RDH12: variants seen among roughly 807,000 people sequenced by gnomAD.
The protein encoded by RDH12 is retinol dehydrogenase 12.
A neutral mutation model predicts 34.0 loss-of-function variants in RDH12; 21 were observed. That is an observed-to-expected ratio of 0.62 (90% CI 0.44 to 0.89). The LOEUF is 0.89. Ranked by LOEUF, RDH12 falls within the 40% of genes least tolerant of loss-of-function variation. RDH12 has a pLI of 0.00. For synonymous variants in RDH12, 198 were observed against 169.9 expected, an observed-to-expected ratio of 1.17 and a Z score of -1.29; for missense variants, 394 against 398.6, an observed-to-expected ratio of 0.99 and a Z score of 0.10.
intron 1 of RDH12, among the ~76,000 whole-genome samples, chr14:67,705,534 A>G (rs1316025238): frequency 6.6e-6 from 1 of 152,202 alleles, no homozygotes; most frequent in Non-Finnish European, 1.5e-5. Context: ...TCACAACTAA[A>G]TGCAATGTGG....
intron 1 of RDH12, among the ~76,000 whole-genome samples, chr14:67,713,345 T>A (rs1262395155): frequency 7.9e-6 from 1 of 126,346 alleles, no homozygotes; most frequent in African/African-American, 3.0e-5. Flanking sequence ...CTGCTTTCCA[T>A]CGTCATGGAA....
At position 67,725,066 on chromosome 14, in the gene RDH12, G is replaced by A. The variant is rs868769251; in HGVS notation, c.188-33G>A. The A allele has an allele frequency of 6.8e-6, 11 of 1,613,358 alleles. No individual in the cohort carries two copies. The Middle Eastern group carries it at 1.3e-3, about 194-fold the overall frequency. The stretch of plus-strand genomic sequence containing the variant: ...ATACCTCCTTTATAGCCTAGGATAT[G>A]AACATACTGCTCTTTTTTTGTCTTG... On this transcript the variant is annotated intron_variant, in intron 4 of 8. Transcript: ENST00000551171.
intron 2 of RDH12, among the ~76,000 whole-genome samples, chr14:67,721,141 G>A (rs1479564343): frequency 6.6e-6 from 1 of 152,168 alleles, no homozygotes; most frequent in Non-Finnish European, 1.5e-5. Context: ...AGTCTTTCAT[G>A]CATGGGTGTT....
chr14:67,722,806 G>T, intron 3 of RDH12, 96 bp downstream of exon 3: 1 of 1,049,612 alleles, frequency 9.5e-7, no homozygotes, highest in South Asian at 1.3e-5. Context: ...GAAGGAGGCT[G>T]ACAGAGGAGA....
At position 67,725,262 on chromosome 14, in the gene RDH12, C is replaced by G; in HGVS notation, c.343+8C>G. 1 of 1,612,674 alleles carries G rather than the reference C, an allele frequency of 6.2e-7. No individual in the cohort carries two copies. Among genetic ancestry groups the G allele is most frequent in the Non-Finnish European group, 8.5e-7 (1 of 1,179,932 alleles). On this transcript the variant is annotated splice_region_variant and intron_variant, in intron 5 of 8. Transcript: ENST00000551171. ...CTGAGGGCTTTCTGGCAGGTGAGGTCCTGATGGGTAGGTAGAAAAGCAGGA... is the reference window on the plus strand; with the variant it reads ...CTGAGGGCTTTCTGGCAGGTGAGGTGCTGATGGGTAGGTAGAAAAGCAGGA...
chr14:67,729,228 C>T lies in RDH12; in HGVS notation c.696C>T (p.Val232=). ...GVTTYAVHPG[V]VRSELVRHSS... Reference sequence around the variant, plus strand: ...CCACCTACGCAGTGCACCCAGGCGTCGTCCGCTCTGAGCTGGTCCGGCACT... The same window carrying T: ...CCACCTACGCAGTGCACCCAGGCGTTGTCCGCTCTGAGCTGGTCCGGCACT... The change falls in exon 8 of 9, where the codon GTC becomes GTT. Residue 232 remains valine (V), a synonymous_variant. Coordinates refer to ENST00000551171, the MANE Select transcript of RDH12 (RefSeq NM_152443.3). 4 of 1,611,716 alleles carry T rather than the reference C, an allele frequency of 2.5e-6. No homozygotes were observed. Among genetic ancestry groups the T allele is most frequent in the Non-Finnish European group, 3.4e-6 (4 of 1,180,012 alleles).
chr14:67,734,133 G>C lies in RDH12; in HGVS notation c.*285G>C, dbSNP rs991330433. ...CTGGGCAGATCCCAGGCTGGGCATG[G>C]GGGTGGCAGAAGAGCCCGAGAAATT... is the stretch of plus-strand genomic sequence containing the variant. On this transcript the variant is annotated 3_prime_UTR_variant, in exon 9 of 9. Coordinates refer to ENST00000551171, the MANE Select transcript of RDH12 (RefSeq NM_152443.3). 2.1e-5 allele frequency: 7 copies of C among 339,342 alleles called. No homozygotes were observed. Among genetic ancestry groups the C allele is most frequent in the African/African-American group, 1.3e-4 (6 of 47,092 alleles). The allele number at this position is 339,342 out of a possible 1,614,324, so 21.0% of individuals were successfully genotyped here.
intron 1 of RDH12, among the ~76,000 whole-genome samples, chr14:67,712,892 C>G (rs1201435351): frequency 1.3e-5 from 2 of 151,976 alleles, no homozygotes; most frequent in Non-Finnish European, 2.9e-5. Context: ...AAAAAATGTT[C>G]CCTTCTCTTT....
rs777424197 is a variant in RDH12, at chr14:67,729,280, C to G, written c.748C>G (p.Leu250Val). 6.2e-7 allele frequency: 1 copy of G among 1,605,742 alleles called. No individual in the cohort carries two copies. Among genetic ancestry groups the G allele is most frequent in the South Asian group, 1.1e-5 (1 of 91,010 alleles). The stretch of plus-strand genomic sequence containing the variant: ...CTCCCTGCTCTGCCTGCTCTGGCGG[C>G]TCTTCTCCCCCTTTGTCAAGACGGC... Reference protein sequence around the residue: ...HSSLLCLLWRLFSPFVKTARE... With the variant: ...HSSLLCLLWRVFSPFVKTARE... Residue 250 changes from leucine to valine, a missense_variant, in exon 8 of 9, where the codon CTC becomes GTC. By Grantham distance (32) the Leu-to-Val change is conservative. Transcript: ENST00000551171.
chr14:67,712,348 TTTG>T (rs1019925920), intron 1 of RDH12, among the ~76,000 whole-genome samples: 5 of 152,008 alleles, frequency 3.3e-5, no homozygotes, highest in African/African-American at 7.2e-5. Flanking sequence ...ACTTAAAAAT[TTTG>T]TTGTTGTTGT....
chr14:67,709,604 A>G (rs1457765929), intron 1 of RDH12, among the ~76,000 whole-genome samples: 1 of 152,214 alleles, frequency 6.6e-6, no homozygotes, highest in Non-Finnish European at 1.5e-5. Flanking sequence ...TCACATGCCC[A>G]TCTCTTCTGT....
In RDH12 at chr14:67,729,286, T is replaced by TC. The variant is rs1594867516; in HGVS notation, c.759dup (p.Phe254LeufsTer19). 1.2e-6 allele frequency: 2 copies of TC among 1,604,264 alleles called. No homozygotes were observed. The highest frequency in any genetic ancestry group is 2.2e-5 in the East Asian group (1 of 44,870). On this transcript the variant is annotated frameshift_variant, in exon 8 of 9. Coordinates refer to ENST00000551171, the MANE Select transcript of RDH12 (RefSeq NM_152443.3). LOFTEE classifies it high-confidence loss of function. The stretch of plus-strand genomic sequence containing the variant: ...GCTCTGCCTGCTCTGGCGGCTCTTC[T>TC]CCCCCTTTGTCAAGACGGCACGGGA...
At chr14:67,706,869 C>T (rs1024233193) in intron 1 of RDH12, among the ~76,000 whole-genome samples, 7 of 152,276 alleles carry the variant, frequency 4.6e-5, no homozygotes, top group Middle Eastern at 3.4e-3. Context: ...CGTTCCTAGA[C>T]AGGTAGGTCC....
At chr14:67,707,075 G>A (rs1271576682) in intron 1 of RDH12, among the ~76,000 whole-genome samples, 1 of 152,200 alleles carries the variant, frequency 6.6e-6, no homozygotes, top group East Asian at 1.9e-4. Context: ...ATAGGTTGCT[G>A]TTATTTTCTT....
At chr14:67,725,340 C>A in intron 5 of RDH12, 86 bp downstream of exon 5, 2 of 1,370,892 alleles carry the variant, frequency 1.5e-6, no homozygotes, top group South Asian at 1.2e-5. Flanking sequence ...GCCCTTACAT[C>A]AGAACCATCA....
At position 67,733,767 on chromosome 14, in the gene RDH12, G is replaced by A. The variant is rs2140162517; in HGVS notation, c.870G>A (p.Val290=). 1 of 1,613,294 alleles carries A rather than the reference G, an allele frequency of 6.2e-7. No individual in the cohort carries two copies. Among genetic ancestry groups the A allele is most frequent in the Non-Finnish European group, 8.5e-7 (1 of 1,179,440 alleles). The change falls in exon 9 of 9, where the codon GTG becomes GTA. Residue 290 remains valine (V), a synonymous_variant. Transcript: ENST00000551171. ...KYFSDCKRTW[V]SPRARNNKTA... The stretch of plus-strand genomic sequence containing the variant: ...CCAGTGACTGCAAGAGGACCTGGGT[G>A]TCTCCAAGGGCCCGAAATAACAAAA...
intron 1 of RDH12, chr14:67,717,665 G>A (rs2038082049): frequency 6.6e-6 from 1 of 152,276 alleles, no homozygotes; most frequent in South Asian, 2.1e-4. Flanking sequence ...GTTGTCACAA[G>A]GGGATAGTAG....
chr14:67,707,340 C>T (rs1228457917), intron 1 of RDH12, among the ~76,000 whole-genome samples: 2 of 152,192 alleles, frequency 1.3e-5, no homozygotes, highest in South Asian at 4.1e-4. Context: ...TTTCTCTCTC[C>T]AGTTTCCCAT....
chr14:67,732,943 A>G (rs4899222), intron 8 of RDH12, among the ~76,000 whole-genome samples: 18,376 of 152,044 alleles, frequency 0.12, 1,149 homozygotes, highest in Admixed American at 0.14. Context: ...GACTTTTATA[A>G]TTAGAAAAAA....
Sources: gnomAD v4.1 joint callset for allele counts (sites outside exome capture counted in the v4.1 genomes callset) on GRCh38, gnomAD v4.1.1 for gene constraint, MANE v1.5 for transcripts, NCBI Gene and HGNC (gene_info 2026-07-23, HGNC 2026-07-21) for gene names.